Variants in CEP97 observed in about 807,000 individuals in gnomAD.
CEP97 encodes centrosomal protein of 97 kDa.
CEP97 carries 43 observed loss-of-function variants against 73.1 expected under a neutral mutation model. That is an observed-to-expected ratio of 0.59 (90% CI 0.46 to 0.76). CEP97 has a LOEUF of 0.76. Ranked by LOEUF, CEP97 falls within the 30% of genes least tolerant of loss-of-function variation. CEP97 has a pLI of 0.00. For missense variants in CEP97, 939 were observed against 1,014.0 expected (o/e 0.93, Z 1.00); for synonymous variants, 337 against 370.0 (o/e 0.91, Z 1.02).
intron 1 of CEP97, among the ~76,000 whole-genome samples, chr3:101,725,081 T>C (rs1228443488): frequency 2.0e-5 from 3 of 152,222 alleles, no homozygotes; most frequent in African/African-American, 7.2e-5. Context: ...GATCTCCCTC[T>C]TTCGCTTCAC....
At chr3:101,735,891 T>C (rs978384608) in intron 6 of CEP97, among the ~76,000 whole-genome samples, 2 of 152,116 alleles carry the variant, frequency 1.3e-5, no homozygotes, top group Non-Finnish European at 2.9e-5. Context: ...GCAAGCCAAG[T>C]GGTCTAGCGC....
chr3:101,762,148 CCAGA>C, intron 9 of CEP97, among the ~76,000 whole-genome samples: 1 of 152,086 alleles, frequency 6.6e-6, no homozygotes, highest in Non-Finnish European at 1.5e-5. Context: ...GAAATTGAAG[CCAGA>C]CAAAGAGCCA....
At chr3:101,746,372 C>T (rs1480824265) in intron 6 of CEP97, among the ~76,000 whole-genome samples, 21 of 151,172 alleles carry the variant, frequency 1.4e-4, no homozygotes, top group African/African-American at 4.4e-4. Flanking sequence ...GAAATAACGC[C>T]GCATATCTAC....
chr3:101,752,303 C>T (rs951030245), intron 6 of CEP97, among the ~76,000 whole-genome samples: 1 of 152,152 alleles, frequency 6.6e-6, no homozygotes, highest in Non-Finnish European at 1.5e-5. Context: ...GGTAACCCGA[C>T]CTTTCTCTCT....
intron 6 of CEP97, among the ~76,000 whole-genome samples, chr3:101,743,236 A>G (rs1222989502): frequency 1.4e-5 from 2 of 147,400 alleles, no homozygotes; most frequent in Non-Finnish European, 3.0e-5. Context: ...ACAAAGTGGG[A>G]AAAAAAAAAA....
At chr3:101,735,158 C>G (rs1382886376) in intron 6 of CEP97, among the ~76,000 whole-genome samples, 1 of 152,074 alleles carries the variant, frequency 6.6e-6, no homozygotes, top group Non-Finnish European at 1.5e-5. Context: ...AAGAGAGTGT[C>G]AAGACAGAAA....
At chr3:101,740,559 T>G (rs1398942541) in intron 6 of CEP97, among the ~76,000 whole-genome samples, 1 of 151,974 alleles carries the variant, frequency 6.6e-6, no homozygotes, top group Non-Finnish European at 1.5e-5. Context: ...ATGTATAGAT[T>G]CAGTGCTATC....
intron 6 of CEP97, among the ~76,000 whole-genome samples, chr3:101,754,042 CT>C (rs35323976): frequency 0.49 from 36,748 of 75,218 alleles, 9,276 homozygotes; most frequent in East Asian, 0.66. Flanking sequence ...ATTTGGCCAT[CT>C]TTTTTTTTTT....
At chr3:101,735,297 A>G (rs1196525707) in intron 6 of CEP97, among the ~76,000 whole-genome samples, 1 of 152,216 alleles carries the variant, frequency 6.6e-6, no homozygotes, top group Non-Finnish European at 1.5e-5. Flanking sequence ...CTTTGCAAAC[A>G]TTTAATTTCA....
At position 101,758,150 on chromosome 3, in the gene CEP97, TAAAG is replaced by T. The variant is rs1473149653; in HGVS notation, c.1548_1551del (p.Lys516AsnfsTer23). ...TCAACTGAGCAGAAACAATCAGACATAAAGAAACCAGAAAATACACAACCAGAAA... is the reference window on the plus strand; with the variant it reads ...TCAACTGAGCAGAAACAATCAGACATAAACCAGAAAATACACAACCAGAAA... On this transcript the variant is annotated frameshift_variant, in exon 9 of 11. Coordinates refer to ENST00000341893, the MANE Select transcript of CEP97 (RefSeq NM_024548.4). LOFTEE classifies it high-confidence loss of function. 2 of 1,613,834 alleles carry T rather than the reference TAAAG, an allele frequency of 1.2e-6. No homozygotes were observed. The highest frequency in any genetic ancestry group is 1.1e-5 in the South Asian group (1 of 91,024).
chr3:101,725,417 A>G (rs1234798044), intron 1 of CEP97, among the ~76,000 whole-genome samples: 2 of 152,262 alleles, frequency 1.3e-5, no homozygotes, highest in East Asian at 3.9e-4. Context: ...TAAATCGGGG[A>G]CAGGGCCCAG....
chr3:101,731,111 A>G (rs1481993636), intron 4 of CEP97, among the ~76,000 whole-genome samples: 1 of 151,738 alleles, frequency 6.6e-6, no homozygotes, highest in East Asian at 1.9e-4. Context: ...TTAGTTACCT[A>G]GAGAATACAG....
intron 6 of CEP97, among the ~76,000 whole-genome samples, chr3:101,753,928 C>T (rs1311623757): frequency 6.6e-6 from 1 of 152,050 alleles, no homozygotes; most frequent in Non-Finnish European, 1.5e-5. Context: ...TGCCCACCGT[C>T]TGGCACTCCC....
intron 3 of CEP97, among the ~76,000 whole-genome samples, chr3:101,728,509 C>T (rs993734284): frequency 6.6e-6 from 1 of 151,876 alleles, no homozygotes; most frequent in East Asian, 1.9e-4. Context: ...GGCTGTCCAC[C>T]CACCTCGGCC....
chr3:101,732,150 G>C (rs1335836153), intron 5 of CEP97, among the ~76,000 whole-genome samples, 197 bp downstream of exon 5: 1 of 152,174 alleles, frequency 6.6e-6, no homozygotes, highest in African/African-American at 2.4e-5. Flanking sequence ...TTGTAAAGCT[G>C]TAATTATCAT....
chr3:101,755,464 G>A lies in CEP97; in HGVS notation c.763G>A (p.Gly255Arg). 1 of 1,614,122 alleles carries A rather than the reference G, an allele frequency of 6.2e-7. No individual in the cohort carries two copies. The highest frequency in any genetic ancestry group is 8.5e-7 in the Non-Finnish European group (1 of 1,180,030). The change falls in exon 7 of 11, where the codon GGG becomes AGG. Residue 255 changes from glycine to arginine, a missense_variant. Coordinates refer to ENST00000341893, the MANE Select transcript of CEP97 (RefSeq NM_024548.4). ...TGAATGGCTCTATAGTCAAGGCAAGGGGAGAGCATATCGGCCTGGCCAGCA... is the reference window on the plus strand; with the variant it reads ...TGAATGGCTCTATAGTCAAGGCAAGAGGAGAGCATATCGGCCTGGCCAGCA... ...KAEWLYSQGK[G>R]RAYRPGQHIQ...
At chr3:101,759,571 G>A (rs755760872) in intron 9 of CEP97, 2 of 152,258 alleles carry the variant, frequency 1.3e-5, no homozygotes, top group Non-Finnish European at 2.9e-5. Context: ...AGAAATCATT[G>A]ATTGCCTAAA....
rs1939285458 is a variant in CEP97, at chr3:101,765,300, G to A, written c.2347G>A (p.Glu783Lys). ...EQYLTSVQQLEDADERTNFDT... is the reference protein window; with the variant it reads ...EQYLTSVQQLKDADERTNFDT... ...GTATTTAACTTCAGTTCAACAGCTG[G>A]AAGATGCTGATGAGAGGACCAATTT... Residue 783 changes from glutamate to lysine, a missense_variant, in exon 11 of 11, where the codon GAA becomes AAA. Coordinates refer to ENST00000341893, the MANE Select transcript of CEP97 (RefSeq NM_024548.4). 6.2e-7 allele frequency: 1 copy of A among 1,614,038 alleles called. No individual in the cohort carries two copies. Among genetic ancestry groups the A allele is most frequent in the Non-Finnish European group, 8.5e-7 (1 of 1,180,030 alleles).
At position 101,766,264 on chromosome 3, in the gene CEP97, CT is replaced by C. The variant is rs1939315859; in HGVS notation, c.*715del. 6.6e-6 allele frequency: 1 copy of C among 152,242 alleles called. No homozygotes were observed. The highest frequency in any genetic ancestry group is 1.5e-5 in the Non-Finnish European group (1 of 68,018). The allele number at this position is 152,242 out of a possible 1,614,324, so 9.4% of individuals were successfully genotyped here. ...ACTTAGGCAACACAAGAATATTTCA[CT>C]TAGATATGAAGAAAGGAAACACTAG... On this transcript the variant is annotated 3_prime_UTR_variant, in exon 11 of 11. Transcript: ENST00000341893.
Sources: gnomAD v4.1 joint callset for allele counts (sites outside exome capture counted in the v4.1 genomes callset) on GRCh38, gnomAD v4.1.1 for gene constraint, MANE v1.5 for transcripts, NCBI Gene and HGNC (gene_info 2026-07-23, HGNC 2026-07-21) for gene names.